The following ROBO2 variants were observed in gnomAD, a reference collection of about 807,000 sequenced individuals.
ROBO2 encodes the protein roundabout guidance receptor 2.
In ROBO2, 53 loss-of-function variants were observed where a neutral mutation model predicts 160.8. The ratio of observed to expected loss-of-function variants is 0.33; its 90% CI spans 0.26 to 0.41. The LOEUF is 0.41. Among genes scored for constraint, ROBO2 ranks in the 10% least tolerant of loss-of-function variants. ROBO2 has a pLI of 1.00. For missense variants in ROBO2, 1,577 were observed against 1,722.4 expected, an observed-to-expected ratio of 0.92 and a Z score of 1.49; for synonymous variants, 664 against 611.7, an observed-to-expected ratio of 1.09 and a Z score of -1.26.
chr3:76,733,532 G>A (rs1465977483), intron 2 of ROBO2, among the ~76,000 whole-genome samples: 1 of 152,198 alleles, frequency 6.6e-6, no homozygotes, highest in African/African-American at 2.4e-5. Flanking sequence ...GCACATTAGA[G>A]CAGTTTACAT....
At chr3:76,174,272 C>T (rs2073147087) in intron 2 of ROBO2, among the ~76,000 whole-genome samples, 1 of 152,088 alleles carries the variant, frequency 6.6e-6, no homozygotes, top group Admixed American at 6.5e-5. Flanking sequence ...AGACCTTTGT[C>T]AGATGGATCT....
chr3:77,463,366 G>A (rs2044596), intron 2 of ROBO2, among the ~76,000 whole-genome samples: 40,264 of 151,936 alleles, frequency 0.27, 5,768 homozygotes, highest in South Asian at 0.4. Context: ...TTTAGATTGG[G>A]AAGAACCATG....
intron 2 of ROBO2, among the ~76,000 whole-genome samples, chr3:76,410,555 G>A (rs527910801): frequency 6.6e-5 from 10 of 152,084 alleles, no homozygotes; most frequent in Non-Finnish European, 1.5e-4. Flanking sequence ...CTTCTAACCT[G>A]AGACCACTGA....
intron 2 of ROBO2, among the ~76,000 whole-genome samples, chr3:76,031,658 A>T (rs2066923759): frequency 6.6e-6 from 1 of 151,880 alleles, no homozygotes; most frequent in South Asian, 2.1e-4. Context: ...TATGTGATGG[A>T]TTACATTTAT....
chr3:76,425,760 A>G (rs983495977), intron 2 of ROBO2, among the ~76,000 whole-genome samples: 3 of 152,032 alleles, frequency 2.0e-5, no homozygotes, highest in Admixed American at 2.0e-4. Flanking sequence ...CCCCCGAGAA[A>G]TGAGTTGATC....
intron 2 of ROBO2, among the ~76,000 whole-genome samples, chr3:76,090,622 G>T (rs1294555080): frequency 2.6e-5 from 4 of 152,120 alleles, no homozygotes; most frequent in Non-Finnish European, 4.4e-5. Flanking sequence ...ACAAGCAAAA[G>T]AATCAGAATC....
At chr3:77,634,633 T>C (rs2153715685) in intron 23 of ROBO2, 3 of 509,522 alleles carry the variant, frequency 5.9e-6, no homozygotes, top group East Asian at 7.1e-5. Flanking sequence ...TTTATGTTCA[T>C]TTGTTTGATT....
At chr3:76,712,707 T>A (rs1377687094) in intron 2 of ROBO2, among the ~76,000 whole-genome samples, 3 of 151,668 alleles carry the variant, frequency 2.0e-5, no homozygotes, top group East Asian at 1.9e-4. Context: ...TTAAAAAAAA[T>A]TTAAATGAAA....
intron 2 of ROBO2, among the ~76,000 whole-genome samples, chr3:76,818,484 A>T (rs1469145405): frequency 6.6e-6 from 1 of 151,920 alleles, no homozygotes; most frequent in Non-Finnish European, 1.5e-5. Context: ...TGCTGTGCAG[A>T]AGCTTTTTAG....
chr3:76,954,882 C>T (rs918873490), intron 2 of ROBO2, among the ~76,000 whole-genome samples: 6 of 152,230 alleles, frequency 3.9e-5, no homozygotes, highest in African/African-American at 1.2e-4. Flanking sequence ...TATAGAACAT[C>T]CTTTCAATCA....
At chr3:76,141,743 G>C (rs556894586) in intron 2 of ROBO2, among the ~76,000 whole-genome samples, 74 of 151,962 alleles carry the variant, frequency 4.9e-4, no homozygotes, top group African/African-American at 1.7e-3. Flanking sequence ...TGGGCATAGG[G>C]GGAATGTGGC....
At chr3:76,097,097 G>T (rs759881605) in intron 2 of ROBO2, among the ~76,000 whole-genome samples, 14 of 152,154 alleles carry the variant, frequency 9.2e-5, no homozygotes, top group Non-Finnish European at 1.8e-4. Flanking sequence ...GTTGCATCTG[G>T]ACTGGTGGGA....
At chr3:76,093,430 AGC>A (rs1356524880) in intron 2 of ROBO2, among the ~76,000 whole-genome samples, 4 of 151,146 alleles carry the variant, frequency 2.6e-5, no homozygotes, top group Non-Finnish European at 5.9e-5. Flanking sequence ...AATATTTACT[AGC>A]AGTCACACAG....
chr3:75,969,823 T>A (rs2064940957), intron 2 of ROBO2, among the ~76,000 whole-genome samples: 1 of 151,590 alleles, frequency 6.6e-6, no homozygotes, highest in Admixed American at 6.6e-5. Context: ...AAATATTCTC[T>A]CCCACTCTGC....
intron 2 of ROBO2, among the ~76,000 whole-genome samples, chr3:76,197,840 T>TTGATG (rs1312577713): frequency 6.6e-6 from 1 of 152,216 alleles, no homozygotes; most frequent in Non-Finnish European, 1.5e-5. Flanking sequence ...ATATGGACAC[T>TTGATG]TGATGTGCCA....
intron 2 of ROBO2, among the ~76,000 whole-genome samples, chr3:77,197,873 G>C (rs1322417764): frequency 6.6e-6 from 1 of 152,164 alleles, no homozygotes; most frequent in Non-Finnish European, 1.5e-5. Context: ...GTATTCAAAG[G>C]GAGATGTAAT....
intron 2 of ROBO2, among the ~76,000 whole-genome samples, chr3:76,879,525 G>A (rs904227412): frequency 2.0e-5 from 3 of 151,858 alleles, no homozygotes; most frequent in Non-Finnish European, 2.9e-5. Flanking sequence ...AACATCAATC[G>A]ACCAACATAA....
chr3:76,592,746 G>T (rs749675637), intron 2 of ROBO2, among the ~76,000 whole-genome samples: 9 of 152,002 alleles, frequency 5.9e-5, no homozygotes, highest in Non-Finnish European at 1.3e-4. Flanking sequence ...TACTCGGGGT[G>T]TTCAAACCAT....
intron 5 of ROBO2, among the ~76,000 whole-genome samples, chr3:77,517,853 GA>G (rs2090182254): frequency 6.6e-6 from 1 of 151,226 alleles, no homozygotes; most frequent in African/African-American, 2.4e-5. Flanking sequence ...TCACTTAGTA[GA>G]ACTTCTCGGT....
Sources: gnomAD v4.1 joint callset for allele counts (sites outside exome capture counted in the v4.1 genomes callset) on GRCh38, gnomAD v4.1.1 for gene constraint, MANE v1.5 for transcripts, NCBI Gene and HGNC (gene_info 2026-07-23, HGNC 2026-07-21) for gene names.